Variants in HSPBAP1 observed in about 807,000 individuals in gnomAD.
The protein encoded by HSPBAP1 is HSPB1-associated protein 1.
In HSPBAP1, 27 loss-of-function variants were observed where a neutral mutation model predicts 45.2. The observed-to-expected ratio is 0.60, with a 90% CI of 0.44 to 0.82. The LOEUF is 0.82. Among genes scored for constraint, HSPBAP1 ranks in the 40% least tolerant of loss-of-function variants. The pLI, the probability that HSPBAP1 is intolerant of heterozygous loss-of-function variation, is 0.00. For synonymous variants in HSPBAP1, 204 were observed against 202.7 expected, an observed-to-expected ratio of 1.01 and a Z score of -0.06; for missense variants, 510 against 590.9, an observed-to-expected ratio of 0.86 and a Z score of 1.42.
intron 6 of HSPBAP1, among the ~76,000 whole-genome samples, chr3:122,746,152 G>C (rs1933840231): frequency 6.6e-6 from 1 of 151,914 alleles, no homozygotes; most frequent in South Asian, 2.1e-4. Context: ...GCTTATGTGA[G>C]GAAAACTTTA....
At chr3:122,740,898 T>A (rs1380175678) in intron 7 of HSPBAP1, 23 bp from the exon 8 acceptor site, 1 of 1,611,446 alleles carries the variant, frequency 6.2e-7, no homozygotes. Flanking sequence ...AAAAACCTTT[T>A]AAAATGGTTA....
In HSPBAP1 at chr3:122,780,406, C is replaced by T. The variant is rs1464199917; in HGVS notation, c.65-2500G>A. Among the ~76,000 whole-genome samples the T allele has an allele frequency of 4.7e-4, 56 of 118,494 alleles. 3 individuals are homozygous for T. Among genetic ancestry groups the T allele is most frequent in the African/African-American group, 1.8e-3 (56 of 31,196 alleles). 77.7% of individuals were successfully genotyped at this position (118,494 alleles called of 152,430 possible). A position where few individuals can be genotyped will look rare whatever the true frequency, so the allele number is the denominator to read the frequency against. On this transcript the variant is annotated intron_variant, in intron 1 of 7. Coordinates refer to ENST00000306103, the MANE Select transcript of HSPBAP1 (RefSeq NM_024610.6). Reference sequence around the variant, plus strand: ...GCTGACCCCCCACCTCCCTCCTGGACGGGGCGGCTGGCCGGGCAGAGGGGC... The same window carrying T: ...GCTGACCCCCCACCTCCCTCCTGGATGGGGCGGCTGGCCGGGCAGAGGGGC...
At chr3:122,755,130 G>A in intron 5 of HSPBAP1, 130 bp downstream of exon 5, 1 of 1,198,954 alleles carries the variant, frequency 8.3e-7, no homozygotes. Context: ...CCTTCCAACA[G>A]CAGAGCAGAG....
intron 1 of HSPBAP1, among the ~76,000 whole-genome samples, chr3:122,783,620 C>T (rs568832537): frequency 1.3e-5 from 2 of 152,310 alleles, no homozygotes; most frequent in East Asian, 1.9e-4. Context: ...TTAGAGCTTA[C>T]TTAACATCTA....
At chr3:122,761,904 A>G (rs1186118566) in intron 3 of HSPBAP1, 2 of 152,086 alleles carry the variant, frequency 1.3e-5, no homozygotes, top group African/African-American at 4.8e-5. Context: ...AAATGTCTGA[A>G]GTCAATGTGG....
intron 4 of HSPBAP1, among the ~76,000 whole-genome samples, chr3:122,758,517 T>G (rs1488837527): frequency 6.6e-6 from 1 of 152,202 alleles, no homozygotes; most frequent in Non-Finnish European, 1.5e-5. Flanking sequence ...TGAAGCCTCT[T>G]CCTTTCAACA....
intron 2 of HSPBAP1, among the ~76,000 whole-genome samples, chr3:122,770,677 G>T (rs1934964060): frequency 6.6e-6 from 1 of 151,858 alleles, no homozygotes; most frequent in Non-Finnish European, 1.5e-5. Flanking sequence ...CTCCAGCCTG[G>T]GTGACACAGT....
chr3:122,788,499 A>G (rs1935722005), intron 1 of HSPBAP1, among the ~76,000 whole-genome samples: 2 of 152,200 alleles, frequency 1.3e-5, no homozygotes, highest in South Asian at 4.1e-4. Context: ...ACATCTGCAC[A>G]CCCATGTTCA....
chr3:122,785,115 T>G (rs1935610951), intron 1 of HSPBAP1, among the ~76,000 whole-genome samples: 1 of 152,064 alleles, frequency 6.6e-6, no homozygotes, highest in Non-Finnish European at 1.5e-5. Context: ...GGCTAAAAAC[T>G]CAGAAGAAAA....
In HSPBAP1 at chr3:122,780,497, C is replaced by G. The variant is rs1233301897; in HGVS notation, c.65-2591G>C. 2.6e-5 allele frequency among the ~76,000 whole-genome samples: 3 copies of G among 114,480 alleles called. No individual in the cohort carries two copies. The Admixed American group carries it at 2.6e-4, about 10-fold the overall frequency. 75.1% of individuals were successfully genotyped at this position (114,480 alleles called of 152,430 possible). On this transcript the variant is annotated intron_variant, in intron 1 of 7. Coordinates refer to ENST00000306103, the MANE Select transcript of HSPBAP1 (RefSeq NM_024610.6). ...TCACCTCCCGGACGGGGCAGCTGGC[C>G]GGGCGGGGGCTGACCCCCCCACCTC...
chr3:122,788,882 T>C (rs1400688509), intron 1 of HSPBAP1, among the ~76,000 whole-genome samples: 1 of 152,236 alleles, frequency 6.6e-6, no homozygotes, highest in Non-Finnish European at 1.5e-5. Context: ...CACAATGTTG[T>C]GTACCTACCT....
At chr3:122,749,814 G>A (rs917303173) in intron 6 of HSPBAP1, among the ~76,000 whole-genome samples, 28 of 152,110 alleles carry the variant, frequency 1.8e-4, no homozygotes, top group Non-Finnish European at 4.0e-4. Flanking sequence ...GTTTCACCAT[G>A]TTGGCCAGGA....
chr3:122,783,996 A>G (rs991762110), intron 1 of HSPBAP1, among the ~76,000 whole-genome samples: 1 of 151,660 alleles, frequency 6.6e-6, no homozygotes, highest in Non-Finnish European at 1.5e-5. Flanking sequence ...ATGCCCAGCT[A>G]ATTTTTATAT....
intron 6 of HSPBAP1, among the ~76,000 whole-genome samples, chr3:122,745,774 A>T (rs1933825144): frequency 6.6e-6 from 1 of 152,198 alleles, no homozygotes; most frequent in South Asian, 2.1e-4. Context: ...GAAAAGGTGA[A>T]AGTTCTCGAC....
At chr3:122,762,528 C>G (rs1035284058) in intron 3 of HSPBAP1, among the ~76,000 whole-genome samples, 13 of 152,194 alleles carry the variant, frequency 8.5e-5, no homozygotes, top group African/African-American at 3.1e-4. Flanking sequence ...CTCCCTGTCT[C>G]TTACTTGCAG....
chr3:122,789,867 T>C (rs1312418910), intron 1 of HSPBAP1, among the ~76,000 whole-genome samples: 1 of 138,812 alleles, frequency 7.2e-6, no homozygotes, highest in South Asian at 2.4e-4. Flanking sequence ...AAAGCTTCTT[T>C]TTTTTTTTTT....
rs758818980 is a variant in HSPBAP1 at position 122,752,691 on chromosome 3, G to C, written c.742-17C>G. The C allele has an allele frequency of 2.5e-6, 4 of 1,582,394 alleles. No homozygotes were observed. In the South Asian group the frequency reaches 4.6e-5, roughly 18 times the overall value. On this transcript the variant is annotated splice_polypyrimidine_tract_variant and intron_variant, in intron 5 of 7. Coordinates refer to ENST00000306103, the MANE Select transcript of HSPBAP1 (RefSeq NM_024610.6). ...AAAGAGAACCTGAAAACCAAACAAA[G>C]AATGGTTAGCACAAGAACAGGACGT...
chr3:122,777,779 C>A lies in HSPBAP1; in HGVS notation c.192G>T (p.Ser64=), dbSNP rs149404291. 1,049 of 1,613,944 alleles carry A rather than the reference C, an allele frequency of 6.5e-4. 2 individuals carry two copies. The highest frequency in any genetic ancestry group is 2.3e-3 in the South Asian group (212 of 91,070). ...PARHWNAKYL[S]QVLHGKQIRF... ...GTATCTGCTTGCCATGAAGGACCTG[C>A]GAAAGGTATTTAGCATTCCAGTGTC... is the stretch of plus-strand genomic sequence containing the variant. The change falls in exon 2 of 8, where the codon TCG becomes TCT. Residue 64 remains serine (S), a synonymous_variant. Coordinates refer to ENST00000306103, the MANE Select transcript of HSPBAP1 (RefSeq NM_024610.6).
chr3:122,749,978 CTT>C (rs369371448), intron 6 of HSPBAP1, among the ~76,000 whole-genome samples: 23 of 140,136 alleles, frequency 1.6e-4, no homozygotes, highest in Admixed American at 2.9e-4. Flanking sequence ...GGTTTTCTTT[CTT>C]TTTTTTTTTT....
Sources: allele counts gnomAD v4.1 joint callset (sites outside exome capture counted in the v4.1 genomes callset), GRCh38; gene constraint gnomAD v4.1.1; transcripts MANE v1.5; gene names NCBI Gene and HGNC (gene_info 2026-07-23, HGNC 2026-07-21).